Variants in RARB observed in about 807,000 individuals in gnomAD.
The protein encoded by RARB is HBV-activated protein.
RARB carries 17 observed loss-of-function variants against 51.9 expected under a neutral mutation model. That is an observed-to-expected ratio of 0.33 (90% confidence interval 0.22 to 0.49). The LOEUF (loss-of-function observed/expected upper bound fraction) is 0.49, where lower values mean the gene tolerates loss of function less well. Ranked by LOEUF, RARB falls within the 20% of genes least tolerant of loss-of-function variation. The pLI is 0.99. For missense variants in RARB, 369 were observed against 550.8 expected (o/e 0.67, Z 3.30); for synonymous variants, 215 against 195.4 (o/e 1.10, Z -0.84).
chr3:25,007,033 A>C (rs1279007245), intron 2 of RARB, among the ~76,000 whole-genome samples: 1 of 151,562 alleles, frequency 6.6e-6, no homozygotes, highest in Non-Finnish European at 1.5e-5. Context: ...AATGAGTTGC[A>C]GACAGTGATT....
At chr3:25,313,077 A>G (rs1704330684) in intron 5 of RARB, among the ~76,000 whole-genome samples, 1 of 152,098 alleles carries the variant, frequency 6.6e-6, no homozygotes, top group African/African-American at 2.4e-5. Flanking sequence ...TTCCATTTCT[A>G]TTTCCATTCT....
At chr3:25,252,636 T>C (rs113365870) in intron 5 of RARB, among the ~76,000 whole-genome samples, 2 of 152,242 alleles carry the variant, frequency 1.3e-5, no homozygotes, top group Non-Finnish European at 1.5e-5. Context: ...CATTTTCTTA[T>C]ATTTTCAGAT....
chr3:25,094,921 T>C (rs764170482), intron 3 of RARB, among the ~76,000 whole-genome samples: 2 of 152,192 alleles, frequency 1.3e-5, no homozygotes, highest in East Asian at 1.9e-4. Context: ...TTTCGTTTGA[T>C]GTATTTTTCT....
At chr3:25,438,194 A>G (rs975810860) in intron 1 of RARB, among the ~76,000 whole-genome samples, 5 of 152,168 alleles carry the variant, frequency 3.3e-5, no homozygotes, top group Non-Finnish European at 2.9e-5. Context: ...CAGTATTCCG[A>G]GAGAGAGTGT....
At chr3:25,259,662 A>G (rs1702950380) in intron 5 of RARB, among the ~76,000 whole-genome samples, 2 of 152,206 alleles carry the variant, frequency 1.3e-5, no homozygotes, top group Admixed American at 1.3e-4. Flanking sequence ...TACAGCAGCT[A>G]GTATGAGTAT....
At chr3:25,438,888 C>T (rs1470035399) in intron 1 of RARB, among the ~76,000 whole-genome samples, 1 of 152,292 alleles carries the variant, frequency 6.6e-6, no homozygotes, top group African/African-American at 2.4e-5. Flanking sequence ...TACTATAAAC[C>T]AGTCTTTTAC....
Position 25,443,503 on chromosome 3 carries a change from TC to T in RARB, c.157+14616del, listed in dbSNP as rs142327996. 8.2e-3 allele frequency among the ~76,000 whole-genome samples: 1,244 copies of T among 151,540 alleles called. 14 individuals are homozygous for T. Among genetic ancestry groups the T allele is most frequent in the African/African-American group, 0.029 (1,191 of 41,242 alleles). On this transcript the variant is annotated intron_variant, in intron 1 of 7. Transcript: ENST00000330688. ...AAAGCGCGCCGGTAATCTCAGCTACTCAGGAGGCTGAGGCAGGAGAATCGCT... is the reference window on the plus strand; with the variant it reads ...AAAGCGCGCCGGTAATCTCAGCTACTAGGAGGCTGAGGCAGGAGAATCGCT...
chr3:24,872,247 T>G (rs1420377110), intron 2 of RARB, among the ~76,000 whole-genome samples: 1 of 152,160 alleles, frequency 6.6e-6, no homozygotes, highest in East Asian at 1.9e-4. Flanking sequence ...GCAGCCTCAC[T>G]GTCTCAGTGC....
chr3:25,573,111 A>C (rs1700775092), intron 4 of RARB, among the ~76,000 whole-genome samples: 1 of 151,982 alleles, frequency 6.6e-6, no homozygotes, highest in Admixed American at 6.5e-5. Context: ...TATCCTCTAA[A>C]CCACGTCCCA....
At position 25,073,155 on chromosome 3, in the gene RARB, G is replaced by A. The variant is rs111249418; in HGVS notation, c.-328+12979G>A. Among the ~76,000 whole-genome samples the A allele has an allele frequency of 6.0e-3, 918 of 152,272 alleles. 13 individuals are homozygous for A. The highest frequency in any genetic ancestry group is 0.02 in the African/African-American group (838 of 41,544). On this transcript the variant is annotated intron_variant, in intron 3 of 11. Coordinates refer to the RARB transcript ENST00000383772. ...CAGAAGCCAGGCAAGTGATGTGTGC[G>A]TCTACAATAATTTGGGAGTAATACA...
intron 2 of RARB, among the ~76,000 whole-genome samples, chr3:24,886,864 A>G (rs1002972985): frequency 6.6e-6 from 1 of 152,204 alleles, no homozygotes; most frequent in African/African-American, 2.4e-5. Flanking sequence ...TTCCTATATT[A>G]AGCTTTTAGG....
At chr3:25,489,335 G>C (rs1158482779) in intron 2 of RARB, among the ~76,000 whole-genome samples, 1 of 152,182 alleles carries the variant, frequency 6.6e-6, no homozygotes, top group Non-Finnish European at 1.5e-5. Context: ...AAATCAGTAA[G>C]TTAACATTGC....
At chr3:25,278,276 A>G (rs768234589) in intron 5 of RARB, among the ~76,000 whole-genome samples, 5 of 152,214 alleles carry the variant, frequency 3.3e-5, no homozygotes, top group Non-Finnish European at 7.3e-5. Flanking sequence ...TTTGTCGTAA[A>G]GATTAAATGA....
At position 25,290,458 on chromosome 3, in the gene RARB, T is replaced by A. The variant is rs549948964; in HGVS notation, c.178+115883T>A. Among the ~76,000 whole-genome samples the A allele has an allele frequency of 2.0e-5, 3 of 152,290 alleles. No individual in the cohort carries two copies. The East Asian group carries it at 5.8e-4, about 29-fold the overall frequency. ...CCATGAGAAAATGGATTTCTGTTGT[T>A]TAAACCACCCAGTCTATGGTGTTTT... On this transcript the variant is annotated intron_variant, in intron 5 of 11. Transcript: ENST00000383772.
chr3:25,138,743 A>C (rs938783380), intron 4 of RARB, among the ~76,000 whole-genome samples: 5 of 152,142 alleles, frequency 3.3e-5, no homozygotes, highest in Non-Finnish European at 5.9e-5. Flanking sequence ...TGTTAGTTTC[A>C]ATTTTAACTT....
chr3:24,906,625 C>T (rs1386580705), intron 2 of RARB, among the ~76,000 whole-genome samples: 1 of 151,926 alleles, frequency 6.6e-6, no homozygotes, highest in Non-Finnish European at 1.5e-5. Flanking sequence ...GGCAGATCAC[C>T]TGAGGTCAGG....
At chr3:25,579,889 A>C (rs1478425635) in intron 4 of RARB, among the ~76,000 whole-genome samples, 1 of 152,206 alleles carries the variant, frequency 6.6e-6, no homozygotes, top group Non-Finnish European at 1.5e-5. Context: ...TCAGCATGAC[A>C]GGTGGCGTGT....
chr3:24,900,812 G>A (rs1703588400), intron 2 of RARB, among the ~76,000 whole-genome samples: 2 of 152,168 alleles, frequency 1.3e-5, no homozygotes, highest in Admixed American at 1.3e-4. Context: ...CGAAAGTGAT[G>A]TTATAATAAA....
chr3:24,849,702 A>G (rs1702532630), intron 1 of RARB, among the ~76,000 whole-genome samples: 1 of 152,222 alleles, frequency 6.6e-6, no homozygotes, highest in Non-Finnish European at 1.5e-5. Context: ...AACACTAAAC[A>G]ACACTTCAGC....
Sources: allele counts gnomAD v4.1 joint callset (sites outside exome capture counted in the v4.1 genomes callset), GRCh38; gene constraint gnomAD v4.1.1; transcripts MANE v1.5; gene names NCBI Gene and HGNC (gene_info 2026-07-23, HGNC 2026-07-21).